The following EYS variants were observed in gnomAD, a reference collection of about 807,000 sequenced individuals.
EYS encodes the protein EGF-like photoreceptor maintenance factor.
Under a neutral mutation model 282.1 loss-of-function variants are expected in EYS, and 250 were observed. The observed-to-expected ratio is 0.89, with a 90% CI of 0.80 to 0.98. The LOEUF (loss-of-function observed/expected upper bound fraction) is 0.98, where lower values mean the gene tolerates loss of function less well. EYS is among the 50% of genes least tolerant of loss of function. The pLI is 0.00. For synonymous variants in EYS, 1,355 were observed against 1,282.9 expected (o/e 1.06, Z -1.20); for missense variants, 4,016 against 3,709.0 (o/e 1.08, Z -2.15).
intron 31 of EYS, among the ~76,000 whole-genome samples, chr6:64,116,554 A>C (rs2150270355): frequency 6.6e-6 from 1 of 152,310 alleles, no homozygotes; most frequent in South Asian, 2.1e-4. Flanking sequence ...CTTGAATGTA[A>C]ATAGGTTAAA....
intron 14 of EYS, among the ~76,000 whole-genome samples, chr6:64,959,776 G>A (rs1769851301): frequency 6.6e-6 from 1 of 151,718 alleles, no homozygotes; most frequent in Non-Finnish European, 1.5e-5. Flanking sequence ...ATTCTGACCA[G>A]ATGTCTAAGG....
At chr6:64,608,228 C>A (rs1766995489) in intron 24 of EYS, among the ~76,000 whole-genome samples, 1 of 152,006 alleles carries the variant, frequency 6.6e-6, no homozygotes, top group African/African-American at 2.4e-5. Context: ...TATTTAGAAT[C>A]TACTATGTTG....
chr6:65,093,508 G>C (rs73765760), intron 12 of EYS, among the ~76,000 whole-genome samples: 102 of 151,930 alleles, frequency 6.7e-4, no homozygotes, highest in Middle Eastern at 3.4e-3. Context: ...ATAAGATAAA[G>C]TACATGCATG....
intron 22 of EYS, among the ~76,000 whole-genome samples, chr6:64,645,435 G>A (rs1416206089): frequency 1.3e-5 from 2 of 152,182 alleles, no homozygotes; most frequent in Non-Finnish European, 2.9e-5. Context: ...TTCACCAGAA[G>A]ACCATTTTCT....
intron 11 of EYS, among the ~76,000 whole-genome samples, chr6:65,306,864 A>T (rs1158249224): frequency 7.6e-6 from 1 of 131,478 alleles, no homozygotes; most frequent in Non-Finnish European, 1.6e-5. Context: ...AAAAAAAAAG[A>T]AAGTCTAGAT....
intron 33 of EYS, among the ~76,000 whole-genome samples, chr6:64,050,978 G>T (rs757767982): frequency 2.6e-5 from 4 of 152,090 alleles, no homozygotes; most frequent in Non-Finnish European, 5.9e-5. Flanking sequence ...CTTTTGTTAT[G>T]CATTTTTATA....
chr6:65,322,157 G>C (rs2150305976), intron 11 of EYS, among the ~76,000 whole-genome samples: 1 of 152,234 alleles, frequency 6.6e-6, no homozygotes, highest in Admixed American at 6.5e-5. Flanking sequence ...GGACTAGGCA[G>C]GTCACCTTTT....
chr6:64,880,942 ATT>A, intron 19 of EYS, among the ~76,000 whole-genome samples: 1 of 148,894 alleles, frequency 6.7e-6, no homozygotes, highest in Non-Finnish European at 1.5e-5. Context: ...ATGTGAATAA[ATT>A]TTTTTTTTGA....
chr6:64,483,760 A>G (rs1220587513), intron 26 of EYS, among the ~76,000 whole-genome samples: 1 of 151,608 alleles, frequency 6.6e-6, no homozygotes. Context: ...TTAATAATAA[A>G]GGTGATATTT....
chr6:63,751,867 T>C (rs1443723602), intron 41 of EYS, among the ~76,000 whole-genome samples: 1 of 152,224 alleles, frequency 6.6e-6, no homozygotes, highest in East Asian at 1.9e-4. Flanking sequence ...TTAAGTCATT[T>C]AGTTATTTGG....
Position 65,057,669 on chromosome 6 carries a change from G to A in EYS, c.2082C>T (p.Ala694=). ...ECASHPCKNG[A]TCIDQPGNYF... ...AATTACCAGGTTGGTCAATGCAGGTGGCTCCATTTTTGCAGGGATGTGAAG... is the reference window on the plus strand; with the variant it reads ...AATTACCAGGTTGGTCAATGCAGGTAGCTCCATTTTTGCAGGGATGTGAAG... Residue 694 remains alanine, a synonymous_variant, in exon 13 of 43, where the codon GCC becomes GCT. Coordinates refer to ENST00000503581, the MANE Select transcript of EYS (RefSeq NM_001142800.2). 6.4e-7 allele frequency: 1 copy of A among 1,551,190 alleles called. No individual in the cohort carries two copies. Among genetic ancestry groups the A allele is most frequent in the Non-Finnish European group, 8.7e-7 (1 of 1,146,692 alleles).
At chr6:64,480,069 C>A (rs890703826) in intron 26 of EYS, among the ~76,000 whole-genome samples, 5 of 151,848 alleles carry the variant, frequency 3.3e-5, no homozygotes, top group African/African-American at 1.2e-4. Context: ...CAAGCTTTTT[C>A]AAGCGAGTAG....
intron 12 of EYS, among the ~76,000 whole-genome samples, chr6:65,193,021 C>A (rs573557487): frequency 6.6e-6 from 1 of 151,840 alleles, no homozygotes; most frequent in African/African-American, 2.4e-5. Flanking sequence ...CTTTCATTTG[C>A]AACAACATGG....
At chr6:65,662,077 A>G (rs1337175443) in intron 1 of EYS, among the ~76,000 whole-genome samples, 4 of 152,238 alleles carry the variant, frequency 2.6e-5, no homozygotes, top group South Asian at 4.1e-4. Flanking sequence ...TGGTCACACC[A>G]TATTTCTAGA....
intron 31 of EYS, among the ~76,000 whole-genome samples, chr6:64,115,893 G>A (rs1178507293): frequency 1.3e-5 from 2 of 151,976 alleles, no homozygotes; most frequent in East Asian, 1.9e-4. Flanking sequence ...TATTAGGTTG[G>A]TGCCAAAGTA....
At chr6:65,000,388 T>A (rs1771424157) in intron 13 of EYS, among the ~76,000 whole-genome samples, 1 of 152,248 alleles carries the variant, frequency 6.6e-6, no homozygotes, top group South Asian at 2.1e-4. Flanking sequence ...TATGCTTAAA[T>A]GTGTACCAGA....
At chr6:64,708,928 G>A (rs890693137) in intron 22 of EYS, among the ~76,000 whole-genome samples, 1 of 152,098 alleles carries the variant, frequency 6.6e-6, no homozygotes, top group African/African-American at 2.4e-5. Flanking sequence ...GCAGAAAATA[G>A]CAGACCATTC....
intron 19 of EYS, among the ~76,000 whole-genome samples, chr6:64,857,386 G>A (rs9351450): frequency 0.15 from 23,252 of 151,860 alleles, 2,011 homozygotes; most frequent in East Asian, 0.43. Context: ...GGCCTATTTC[G>A]TTTAGTTCTC....
chr6:64,119,255 T>A (rs1322015877), intron 31 of EYS, among the ~76,000 whole-genome samples: 1 of 152,124 alleles, frequency 6.6e-6, no homozygotes, highest in African/African-American at 2.4e-5. Flanking sequence ...GAAATAACCA[T>A]TTTATTGAGT....
Sources: allele counts gnomAD v4.1 joint callset (sites outside exome capture counted in the v4.1 genomes callset), GRCh38; gene constraint gnomAD v4.1.1; transcripts MANE v1.5; gene names NCBI Gene and HGNC (gene_info 2026-07-23, HGNC 2026-07-21).